TMEM117: variants seen among roughly 807,000 people sequenced by gnomAD.
TMEM117 encodes transmembrane protein 117.
Under a neutral mutation model 52.4 loss-of-function variants are expected in TMEM117, and 27 were observed. The ratio of observed to expected loss-of-function variants is 0.51; its 90% confidence interval spans 0.38 to 0.71. TMEM117 has a LOEUF of 0.71. TMEM117 is among the 30% of genes least tolerant of loss of function. The probability of loss-of-function intolerance (pLI) is 0.00; values close to 1 mark genes in which losing one functional copy is unlikely to be tolerated. For synonymous variants in TMEM117, 215 were observed against 206.3 expected (o/e 1.04, Z -0.36); for missense variants, 556 against 630.5 (o/e 0.88, Z 1.26).
chr12:43,891,641 C>T (rs912447359), intron 2 of TMEM117, among the ~76,000 whole-genome samples: 1 of 152,026 alleles, frequency 6.6e-6, no homozygotes, highest in Admixed American at 6.6e-5. Context: ...GCTGGGATTA[C>T]AGGCATGAGC....
chr12:44,254,307 A>G (rs1374923697), intron 5 of TMEM117, among the ~76,000 whole-genome samples: 2 of 152,082 alleles, frequency 1.3e-5, no homozygotes, highest in South Asian at 4.1e-4. Context: ...TAGTCTCAGT[A>G]GATGAGAATC....
chr12:44,213,349 G>A (rs1238471248), intron 5 of TMEM117, among the ~76,000 whole-genome samples: 1 of 152,096 alleles, frequency 6.6e-6, no homozygotes, highest in African/African-American at 2.4e-5. Context: ...GTTCATTCTT[G>A]TTTAGGTAGG....
At chr12:43,916,018 G>GAT (rs1944596913) in intron 2 of TMEM117, among the ~76,000 whole-genome samples, 1 of 150,226 alleles carries the variant, frequency 6.7e-6, no homozygotes, top group Non-Finnish European at 1.5e-5. Flanking sequence ...GCAGGGAGAG[G>GAT]GTGATGGTTG....
At chr12:44,282,843 C>T (rs533503392) in intron 5 of TMEM117, among the ~76,000 whole-genome samples, 2 of 152,226 alleles carry the variant, frequency 1.3e-5, no homozygotes, top group Non-Finnish European at 2.9e-5. Flanking sequence ...AGCAGCATCC[C>T]CATCACAGGT....
intron 3 of TMEM117, among the ~76,000 whole-genome samples, chr12:44,007,121 C>T (rs573134757): frequency 2.0e-5 from 3 of 152,294 alleles, no homozygotes; most frequent in African/African-American, 7.2e-5. Flanking sequence ...CTCCCTCTCA[C>T]CCCTTGTATA....
Position 44,299,607 on chromosome 12 carries a change from G to A in TMEM117, c.636G>A (p.Val212=), listed in dbSNP as rs762133131. Residue 212 remains valine, a synonymous_variant, in exon 6 of 8, where the codon GTG becomes GTA. Transcript: ENST00000266534. ...FWTVLFTLTS[V]VVLVITTDWI... ...CAGTTCTTTTTACTCTGACGTCTGTGGTTGTACTTGTGATTACAACGGACT... is the reference window on the plus strand; with the variant it reads ...CAGTTCTTTTTACTCTGACGTCTGTAGTTGTACTTGTGATTACAACGGACT... 7.4e-6 allele frequency: 12 copies of A among 1,614,160 alleles called. No individual in the cohort carries two copies. The highest frequency in any genetic ancestry group is 1.0e-5 in the Non-Finnish European group (12 of 1,180,016).
chr12:44,114,303 C>T (rs1038350101), intron 3 of TMEM117, among the ~76,000 whole-genome samples: 1 of 152,134 alleles, frequency 6.6e-6, no homozygotes, highest in Non-Finnish European at 1.5e-5. Context: ...CCTTTATATC[C>T]ATCTTGTGCC....
chr12:44,319,253 T>C (rs1426131653), intron 6 of TMEM117, among the ~76,000 whole-genome samples: 1 of 152,196 alleles, frequency 6.6e-6, no homozygotes, highest in East Asian at 1.9e-4. Context: ...CTGCTCTCCA[T>C]CCTGAGTCTG....
rs1948599552 is a variant in TMEM117, at chr12:44,143,561, T to C, written c.447T>C (p.Asn149=). 2 of 1,613,948 alleles carry C rather than the reference T, an allele frequency of 1.2e-6. No individual in the cohort carries two copies. The highest frequency in any genetic ancestry group is 1.7e-6 in the Non-Finnish European group (2 of 1,179,894). ...YIITDYMGIR[N]ESFMKLAAVG... ...TTACAGACTATATGGGCATCCGAAATGAAAGTTTCATGAAATTAGCTGCAG... is the reference window on the plus strand; with the variant it reads ...TTACAGACTATATGGGCATCCGAAACGAAAGTTTCATGAAATTAGCTGCAG... The change falls in exon 4 of 8, where the codon AAT becomes AAC. Residue 149 remains asparagine (N), a synonymous_variant. Transcript: ENST00000266534.
chr12:44,380,149 A>C (rs1187065381), intron 7 of TMEM117, among the ~76,000 whole-genome samples: 1 of 152,180 alleles, frequency 6.6e-6, no homozygotes, highest in Non-Finnish European at 1.5e-5. Context: ...TTCATATGCA[A>C]CTGTTAAAAT....
intron 3 of TMEM117, among the ~76,000 whole-genome samples, chr12:44,105,053 A>C (rs1272600892): frequency 6.6e-6 from 1 of 151,760 alleles, no homozygotes; most frequent in Non-Finnish European, 1.5e-5. Flanking sequence ...TTATTGCTTC[A>C]TATATTTCTT....
At chr12:44,004,901 C>T (rs1385110560) in intron 3 of TMEM117, among the ~76,000 whole-genome samples, 1 of 152,126 alleles carries the variant, frequency 6.6e-6, no homozygotes, top group East Asian at 1.9e-4. Flanking sequence ...ATGCAGAAGG[C>T]TACCATTCTG....
In TMEM117 at chr12:44,083,400, T is replaced by G. The variant is rs1592501510; in HGVS notation, c.411-60125T>G. 4.8e-5 allele frequency among the ~76,000 whole-genome samples: 7 copies of G among 145,158 alleles called. No individual in the cohort carries two copies. The South Asian group carries it at 1.1e-3, about 23-fold the overall frequency. ...ATTGGGTATTGTTAGTTTTTTTTTT[T>G]TTTTTTTTTTTTTTTAGACATGGTT... On this transcript the variant is annotated intron_variant, in intron 3 of 7. Coordinates refer to ENST00000266534, the MANE Select transcript of TMEM117 (RefSeq NM_032256.3).
rs538413521 is a variant in TMEM117 at position 44,325,007 on chromosome 12, T to A, written c.768+25268T>A. Among the ~76,000 whole-genome samples, 239 of 152,254 alleles carry A rather than the reference T, an allele frequency of 1.6e-3. 3 individuals carry two copies. Among genetic ancestry groups the A allele is most frequent in the African/African-American group, 5.3e-3 (222 of 41,556 alleles). The stretch of plus-strand genomic sequence containing the variant: ...CTCTAGTGGTTATTTCATCTCTCAT[T>A]CCATAGTAAGAGTAAAAAGGCAACC... On this transcript the variant is annotated intron_variant, in intron 6 of 7. Coordinates refer to ENST00000266534, the MANE Select transcript of TMEM117 (RefSeq NM_032256.3).
chr12:44,283,848 T>C (rs2138602217), intron 5 of TMEM117, among the ~76,000 whole-genome samples: 1 of 152,248 alleles, frequency 6.6e-6, no homozygotes, highest in South Asian at 2.1e-4. Flanking sequence ...TTGTAGCTCC[T>C]AGAATTCCCA....
At chr12:44,014,313 G>A (rs1291190113) in intron 3 of TMEM117, among the ~76,000 whole-genome samples, 3 of 152,088 alleles carry the variant, frequency 2.0e-5, no homozygotes, top group Non-Finnish European at 2.9e-5. Flanking sequence ...GACCTGATGA[G>A]GCCTTGGGGT....
intron 3 of TMEM117, among the ~76,000 whole-genome samples, chr12:44,081,889 G>A (rs1191564717): frequency 6.6e-6 from 1 of 151,978 alleles, no homozygotes; most frequent in African/African-American, 2.4e-5. Context: ...TTTAGAGCCA[G>A]AACCACAATT....
chr12:43,816,569 A>G, the TMEM117 span, among the ~76,000 whole-genome samples: 1 of 152,246 alleles, frequency 6.6e-6, no homozygotes, highest in Non-Finnish European at 1.5e-5. Context: ...TACCCAGTCT[A>G]AAACACTGGA....
the TMEM117 span, among the ~76,000 whole-genome samples, chr12:43,826,714 A>G: frequency 6.6e-6 from 1 of 152,204 alleles, no homozygotes; most frequent in Admixed American, 6.5e-5. Flanking sequence ...ACAACTAAAA[A>G]GTGATTTACT....
Sources: allele counts gnomAD v4.1 joint callset (sites outside exome capture counted in the v4.1 genomes callset), GRCh38; gene constraint gnomAD v4.1.1; transcripts MANE v1.5; gene names NCBI Gene and HGNC (gene_info 2026-07-23, HGNC 2026-07-21).